RGS7BP: variants seen among roughly 807,000 people sequenced by gnomAD.
RGS7BP encodes regulator of G protein signaling 7 binding protein, also known as regulator of G protein signaling 7-binding protein.
RGS7BP carries 9 observed loss-of-function variants against 31.3 expected under a neutral mutation model. The observed-to-expected ratio is 0.29, with a 90% CI of 0.17 to 0.50. RGS7BP has a LOEUF of 0.50. Ranked by LOEUF, RGS7BP falls within the 20% of genes least tolerant of loss-of-function variation. The probability of loss-of-function intolerance (pLI) is 0.98; values close to 1 mark genes in which losing one functional copy is unlikely to be tolerated. For synonymous variants in RGS7BP, 115 were observed against 120.1 expected, an observed-to-expected ratio of 0.96 and a Z score of 0.28; for missense variants, 274 against 322.0, an observed-to-expected ratio of 0.85 and a Z score of 1.14.
chr5:64,608,858 T>C (rs759871382), intron 5 of RGS7BP, among the ~76,000 whole-genome samples: 3 of 152,044 alleles, frequency 2.0e-5, no homozygotes, highest in Non-Finnish European at 2.9e-5. Flanking sequence ...TAAGCAGTGG[T>C]TCTCAGCCTT....
chr5:64,529,255 G>A (rs557705553), intron 2 of RGS7BP, among the ~76,000 whole-genome samples: 4 of 152,248 alleles, frequency 2.6e-5, no homozygotes, highest in East Asian at 1.9e-4. Context: ...GAGAAATGAC[G>A]AGCTGCTGAT....
chr5:64,609,528 G>A lies in RGS7BP; in HGVS notation c.*276G>A. 5.3e-6 allele frequency: 2 copies of A among 377,428 alleles called. No individual in the cohort carries two copies. Among genetic ancestry groups the A allele is most frequent in the African/African-American group, 4.0e-5 (2 of 49,844 alleles). The allele number at this position is 377,428 out of a possible 1,614,324, so 23.4% of individuals were successfully genotyped here. A position where few individuals can be genotyped will look rare whatever the true frequency, so the allele number is the denominator to read the frequency against. Reference sequence around the variant, plus strand: ...GTCTGCTCCAAACCACGCCATGACAGATGCAAGAATTATGATTTTTAAATT... The same window carrying A: ...GTCTGCTCCAAACCACGCCATGACAAATGCAAGAATTATGATTTTTAAATT... On this transcript the variant is annotated 3_prime_UTR_variant, in exon 6 of 6. Coordinates refer to ENST00000334025, the MANE Select transcript of RGS7BP (RefSeq NM_001029875.3).
intron 2 of RGS7BP, among the ~76,000 whole-genome samples, chr5:64,528,771 A>G (rs570534925): frequency 7.3e-6 from 1 of 137,814 alleles, no homozygotes; most frequent in Non-Finnish European, 1.5e-5. Context: ...AGATTGCACC[A>G]TTGCACTCCA....
Position 64,609,417 on chromosome 5 carries a change from GA to G in RGS7BP, c.*168del. The G allele has an allele frequency of 1.8e-6, 1 of 556,754 alleles. No individual in the cohort carries two copies. Among genetic ancestry groups the G allele is most frequent in the Non-Finnish European group, 3.2e-6 (1 of 309,426 alleles). The allele number at this position is 556,754 out of a possible 1,614,324, so 34.5% of individuals were successfully genotyped here. A position where few individuals can be genotyped will look rare whatever the true frequency, so the allele number is the denominator to read the frequency against. On this transcript the variant is annotated 3_prime_UTR_variant, in exon 6 of 6. Coordinates refer to ENST00000334025, the MANE Select transcript of RGS7BP (RefSeq NM_001029875.3). The stretch of plus-strand genomic sequence containing the variant: ...TGCCCTTTTAAATGATTTTACACTT[GA>G]AAGCAGCTGCCGTCAAGAAAAAAAA...
intron 2 of RGS7BP, among the ~76,000 whole-genome samples, chr5:64,552,283 GA>G (rs1741815812): frequency 6.6e-6 from 1 of 152,000 alleles, no homozygotes; most frequent in Admixed American, 6.6e-5. Flanking sequence ...CTTATTTTCA[GA>G]AATGGTTACT....
chr5:64,568,642 C>A (rs1200149219), intron 2 of RGS7BP, among the ~76,000 whole-genome samples: 1 of 152,086 alleles, frequency 6.6e-6, no homozygotes, highest in African/African-American at 2.4e-5. Context: ...CCCCAAATGT[C>A]ACCGCTTATT....
Position 64,598,443 on chromosome 5 carries a change from T to G in RGS7BP, c.682+8T>G. ...TACCATTGAAAAATCAAGGTGAGTC[T>G]TGTCACTTCTCTTTGAGGCAGAGGA... On this transcript the variant is annotated splice_region_variant and intron_variant, in intron 5 of 5. Transcript: ENST00000334025. 1 of 1,565,852 alleles carries G rather than the reference T, an allele frequency of 6.4e-7. No homozygotes were observed. Among genetic ancestry groups the G allele is most frequent in the Non-Finnish European group, 8.8e-7 (1 of 1,136,170 alleles).
chr5:64,526,681 G>T (rs1369075668), intron 2 of RGS7BP, among the ~76,000 whole-genome samples: 1 of 152,116 alleles, frequency 6.6e-6, no homozygotes, highest in Non-Finnish European at 1.5e-5. Flanking sequence ...AGATGATCAG[G>T]CCAGCTTACC....
In RGS7BP at chr5:64,611,758, C is replaced by T. The variant is rs1159269855; in HGVS notation, c.*2506C>T. 3 of 152,166 alleles carry T rather than the reference C, an allele frequency of 2.0e-5. No homozygotes were observed. The highest frequency in any genetic ancestry group is 4.4e-5 in the Non-Finnish European group (3 of 67,864). The allele number at this position is 152,166 out of a possible 1,614,324, so 9.4% of individuals were successfully genotyped here. A position where few individuals can be genotyped will look rare whatever the true frequency, so the allele number is the denominator to read the frequency against. On this transcript the variant is annotated 3_prime_UTR_variant, in exon 6 of 6. Coordinates refer to ENST00000334025, the MANE Select transcript of RGS7BP (RefSeq NM_001029875.3). ...AGTTTAGTGCTCAAAACCCTGGTAA[C>T]CTACACTGGCCCAAGGTTACAGTAG...
intron 2 of RGS7BP, among the ~76,000 whole-genome samples, chr5:64,532,046 G>T (rs1749383965): frequency 6.6e-6 from 1 of 152,012 alleles, no homozygotes; most frequent in Non-Finnish European, 1.5e-5. Context: ...ATCGGGAAGT[G>T]CTATTTTTAG....
intron 2 of RGS7BP, among the ~76,000 whole-genome samples, chr5:64,571,334 C>A (rs983057014): frequency 2.0e-5 from 3 of 152,108 alleles, no homozygotes; most frequent in African/African-American, 7.2e-5. Flanking sequence ...TTGACAGACA[C>A]CTGGGCTGTT....
chr5:64,509,905 G>A (rs763486026), intron 2 of RGS7BP, among the ~76,000 whole-genome samples: 9 of 152,120 alleles, frequency 5.9e-5, no homozygotes, highest in South Asian at 2.1e-4. Flanking sequence ...TTTAACATTC[G>A]TTATAAAAAA....
At chr5:64,533,922 G>T (rs1320000529) in intron 2 of RGS7BP, among the ~76,000 whole-genome samples, 1 of 152,208 alleles carries the variant, frequency 6.6e-6, no homozygotes, top group Non-Finnish European at 1.5e-5. Flanking sequence ...TTACACTTGT[G>T]AAATTTATTT....
chr5:64,574,471 A>G (rs533653569), intron 2 of RGS7BP, among the ~76,000 whole-genome samples: 1 of 152,266 alleles, frequency 6.6e-6, no homozygotes, highest in East Asian at 1.9e-4. Context: ...CACCCACGAG[A>G]CACAAATGAG....
chr5:64,522,316 A>G (rs1403867151), intron 2 of RGS7BP, among the ~76,000 whole-genome samples: 1 of 152,206 alleles, frequency 6.6e-6, no homozygotes, highest in East Asian at 1.9e-4. Flanking sequence ...AGTTTTCATC[A>G]TTTTGAAAGA....
chr5:64,559,668 T>C (rs1742005907), intron 2 of RGS7BP, among the ~76,000 whole-genome samples: 2 of 151,940 alleles, frequency 1.3e-5, no homozygotes, highest in South Asian at 4.2e-4. Context: ...ATAAGAAAAT[T>C]AGGAAGAAAA....
chr5:64,555,523 A>C (rs918375726), intron 2 of RGS7BP, among the ~76,000 whole-genome samples: 3 of 152,184 alleles, frequency 2.0e-5, no homozygotes, highest in Admixed American at 1.3e-4. Flanking sequence ...GGGAAACTGC[A>C]CTGAAATTCT....
At chr5:64,546,525 G>A (rs1235649753) in intron 2 of RGS7BP, among the ~76,000 whole-genome samples, 1 of 152,116 alleles carries the variant, frequency 6.6e-6, no homozygotes, top group Admixed American at 6.5e-5. Flanking sequence ...TAGGGACCCT[G>A]AAAATGACCA....
chr5:64,548,049 A>G (rs1293956153), intron 2 of RGS7BP, among the ~76,000 whole-genome samples: 1 of 152,180 alleles, frequency 6.6e-6, no homozygotes, highest in Non-Finnish European at 1.5e-5. Flanking sequence ...GGAAATAAAT[A>G]TATGACAATT....
Sources: gnomAD v4.1 joint callset for allele counts (sites outside exome capture counted in the v4.1 genomes callset) on GRCh38, gnomAD v4.1.1 for gene constraint, MANE v1.5 for transcripts, NCBI Gene and HGNC (gene_info 2026-07-23, HGNC 2026-07-21) for gene names.